The following SP1 variants were observed in gnomAD, a reference collection of about 807,000 sequenced individuals.
The protein encoded by SP1 is Sp1 transcription factor.
Under a neutral mutation model 66.3 loss-of-function variants are expected in SP1, and 6 were observed. The ratio of observed to expected loss-of-function variants is 0.09; its 90% CI spans 0.05 to 0.18. The LOEUF is 0.18. SP1 is among the 10% of genes least tolerant of loss of function. The pLI is 1.00. For missense variants in SP1, 848 were observed against 964.5 expected, an observed-to-expected ratio of 0.88 and a Z score of 1.60; for synonymous variants, 417 against 360.8, an observed-to-expected ratio of 1.16 and a Z score of -1.77.
At chr12:53,396,569 A>G (rs552114677) in intron 3 of SP1, among the ~76,000 whole-genome samples, 1 of 152,132 alleles carries the variant, frequency 6.6e-6, no homozygotes, top group African/African-American at 2.4e-5. Flanking sequence ...CTCCATCTCA[A>G]AAACAAAACA....
intron 5 of SP1, 71 bp from the exon 6 acceptor site, chr12:53,410,855 TA>T: frequency 9.3e-7 from 1 of 1,079,358 alleles, no homozygotes; most frequent in Non-Finnish European, 1.4e-6. Context: ...CTTAGTAGAG[TA>T]AGCACTGAAT....
chr12:53,404,492 A>G (rs1055031436), intron 3 of SP1, among the ~76,000 whole-genome samples: 4 of 151,466 alleles, frequency 2.6e-5, no homozygotes, highest in African/African-American at 9.7e-5. Flanking sequence ...CAATGAGTCA[A>G]GATTGTGCCA....
chr12:53,385,600 A>AG (rs1176580577), intron 3 of SP1, among the ~76,000 whole-genome samples: 1 of 142,380 alleles, frequency 7.0e-6, no homozygotes, highest in African/African-American at 2.6e-5. Context: ...GTCTCAAAAA[A>AG]AAAAAAAATA....
chr12:53,396,546 C>T (rs905620533), intron 3 of SP1, among the ~76,000 whole-genome samples: 5 of 152,078 alleles, frequency 3.3e-5, no homozygotes, highest in African/African-American at 4.8e-5. Context: ...CCAGCCTGGG[C>T]GACAGAGCGA....
Position 53,381,702 on chromosome 12 carries a change from T to G in SP1, c.51T>G (p.Ile17Met). The G allele has an allele frequency of 6.2e-7, 1 of 1,613,890 alleles. No homozygotes were observed. The highest frequency in any genetic ancestry group is 1.1e-5 in the South Asian group (1 of 91,042). ...ATGAAATGACAGCTGTGGTGAAAATTGAAAAAGGAGTTGGTGGCAATAATG... is the reference window on the plus strand; with the variant it reads ...ATGAAATGACAGCTGTGGTGAAAATGGAAAAAGGAGTTGGTGGCAATAATG... ...SMDEMTAVVK[I>M]EKGVGGNNGG... is the part of the protein sequence containing the mutation. Residue 17 changes from isoleucine (I) to methionine (M), a missense_variant, in exon 2 of 6, where the codon ATT becomes ATG. This residue lies in a region of SP1 where 84 missense variants were observed against 73.9 expected (regional missense o/e 1.14). Transcript: ENST00000327443.
chr12:53,399,578 G>A (rs1177908039), intron 3 of SP1, among the ~76,000 whole-genome samples: 2 of 151,792 alleles, frequency 1.3e-5, no homozygotes, highest in Admixed American at 6.6e-5. Context: ...TGATCCGCCC[G>A]CCTCGGCCTC....
At position 53,383,011 on chromosome 12, in the gene SP1, C is replaced by T. The variant is rs1938144245; in HGVS notation, c.1064C>T (p.Thr355Ile). 1.9e-6 allele frequency: 3 copies of T among 1,614,170 alleles called. No individual in the cohort carries two copies. Among genetic ancestry groups the T allele is most frequent in the Non-Finnish European group, 2.5e-6 (3 of 1,180,016 alleles). Residue 355 changes from threonine (T) to isoleucine (I), a missense_variant, in exon 3 of 6, where the codon ACA becomes ATA. Transcript: ENST00000327443. Reference protein sequence around the residue: ...GSSGTNSQGQTPQRVSGLQGS... With the variant: ...GSSGTNSQGQIPQRVSGLQGS... Reference sequence around the variant, plus strand: ...TCAGGGACCAACTCTCAAGGCCAGACACCCCAGAGGGTCAGTGGGCTACAG... The same window carrying T: ...TCAGGGACCAACTCTCAAGGCCAGATACCCCAGAGGGTCAGTGGGCTACAG...
chr12:53,399,910 C>T (rs1200752131), intron 3 of SP1, among the ~76,000 whole-genome samples: 4 of 151,984 alleles, frequency 2.6e-5, no homozygotes, highest in Admixed American at 1.3e-4. Context: ...GGATTACAGG[C>T]GTGAGCCACC....
In SP1 at chr12:53,409,647, G is replaced by C. The variant is rs537301430; in HGVS notation, c.2044+86G>C. ...TACCTACAAAATAACTAAAATTTCT[G>C]AGCAACTTAATTTGAAACTGAATAT... On this transcript the variant is annotated intron_variant, in intron 5 of 5. Coordinates refer to ENST00000327443, the MANE Select transcript of SP1 (RefSeq NM_138473.3). 80 of 1,131,552 alleles carry C rather than the reference G, an allele frequency of 7.1e-5. No individual in the cohort carries two copies. In the African/African-American group the frequency reaches 8.2e-4, roughly 12 times the overall value. 70.1% of individuals were successfully genotyped at this position (1,131,552 alleles called of 1,614,324 possible).
chr12:53,380,600 C>T (rs1938064117), intron 1 of SP1: 11 of 1,012,024 alleles, frequency 1.1e-5, no homozygotes, highest in South Asian at 4.7e-5. Flanking sequence ...GCCTGAGGCT[C>T]CTCCCGCCGG....
intron 3 of SP1, among the ~76,000 whole-genome samples, chr12:53,396,440 C>T (rs1028939659): frequency 6.6e-6 from 1 of 151,822 alleles, no homozygotes; most frequent in African/African-American, 2.4e-5. Flanking sequence ...TGGTGATGTG[C>T]GCCTGTAATC....
chr12:53,380,704 C>G (rs1047903307), intron 1 of SP1: 1 of 976,274 alleles, frequency 1.0e-6, no homozygotes. Flanking sequence ...TGCTCCAAGG[C>G]CCTCCTCCCC....
chr12:53,392,443 G>A (rs1938374918), intron 3 of SP1, among the ~76,000 whole-genome samples: 1 of 135,624 alleles, frequency 7.4e-6, no homozygotes, highest in Non-Finnish European at 1.5e-5. Flanking sequence ...TGCAAGCTCC[G>A]CCTCCCGGGT....
At chr12:53,393,141 T>C (rs1166252266) in intron 3 of SP1, among the ~76,000 whole-genome samples, 1 of 151,862 alleles carries the variant, frequency 6.6e-6, no homozygotes, top group Non-Finnish European at 1.5e-5. Context: ...TTTTAAAATA[T>C]AAAATACCTA....
chr12:53,402,835 G>A (rs1938638209), intron 3 of SP1, among the ~76,000 whole-genome samples: 2 of 152,002 alleles, frequency 1.3e-5, no homozygotes, highest in South Asian at 2.1e-4. Flanking sequence ...GCGTGGTGGT[G>A]CATGCCTGTA....
intron 5 of SP1, among the ~76,000 whole-genome samples, chr12:53,410,229 T>G (rs1053073302): frequency 2.6e-5 from 4 of 151,228 alleles, no homozygotes; most frequent in African/African-American, 9.7e-5. Flanking sequence ...TGCTTGAACC[T>G]TGGAGGCGGA....
rs1041491614 is a variant in SP1 at position 53,380,222 on chromosome 12, C to A, written c.-70C>A. The stretch of plus-strand genomic sequence containing the variant: ...CCGGGTTCGCTTGCCTCGTCAGCGT[C>A]CGCGTTTTTCCCGGCCCCCCCCAAC... On this transcript the variant is annotated 5_prime_UTR_variant, in exon 1 of 6. Coordinates refer to ENST00000327443, the MANE Select transcript of SP1 (RefSeq NM_138473.3). The A allele has an allele frequency of 1.7e-6, 2 of 1,193,686 alleles. No individual in the cohort carries two copies. The highest frequency in any genetic ancestry group is 3.0e-5 in the African/African-American group (2 of 66,744). 73.9% of individuals were successfully genotyped at this position (1,193,686 alleles called of 1,614,324 possible). A position where few individuals can be genotyped will look rare whatever the true frequency, so the allele number is the denominator to read the frequency against.
At position 53,413,834 on chromosome 12, in the gene SP1, A is replaced by T. The variant is rs905351736; in HGVS notation, c.*2594A>T. The T allele has an allele frequency of 5.3e-5, 8 of 152,226 alleles. No individual in the cohort carries two copies. The highest frequency in any genetic ancestry group is 1.2e-4 in the Non-Finnish European group (8 of 68,042). 9.4% of individuals were successfully genotyped at this position (152,226 alleles called of 1,614,324 possible). On this transcript the variant is annotated 3_prime_UTR_variant, in exon 6 of 6. Transcript: ENST00000327443. ...TGAGGATATAAGCTTTTAGAAGGTAATTTGATGGTATTTCTTTCTCGAATG... is the reference window on the plus strand; with the variant it reads ...TGAGGATATAAGCTTTTAGAAGGTATTTTGATGGTATTTCTTTCTCGAATG...
Position 53,402,508 on chromosome 12 carries a change from C to T in SP1, c.1676-4077C>T, listed in dbSNP as rs191374214. Among the ~76,000 whole-genome samples, 132 of 151,820 alleles carry T rather than the reference C, an allele frequency of 8.7e-4. 1 individual carries two copies. Among genetic ancestry groups the T allele is most frequent in the African/African-American group, 1.4e-3 (59 of 41,470 alleles). On this transcript the variant is annotated intron_variant, in intron 3 of 5. Coordinates refer to ENST00000327443, the MANE Select transcript of SP1 (RefSeq NM_138473.3). ...AAGTACTGGGATTACAGGCGTGAGC[C>T]GTTGCGCCCGGCCTGGACTGCTCCG... is the stretch of plus-strand genomic sequence containing the variant.
Sources: allele counts gnomAD v4.1 joint callset (sites outside exome capture counted in the v4.1 genomes callset), GRCh38; gene constraint gnomAD v4.1.1; regional missense constraint gnomAD v4.1.1; transcripts MANE v1.5; gene names NCBI Gene and HGNC (gene_info 2026-07-23, HGNC 2026-07-21).